CPED1: variants seen among roughly 807,000 people sequenced by gnomAD.
CPED1 encodes the protein cadherin-like and PC-esterase domain-containing protein 1.
CPED1 carries 114 observed loss-of-function variants against 128.2 expected under a neutral mutation model. The ratio of observed to expected loss-of-function variants is 0.89; its 90% CI spans 0.76 to 1.04. CPED1 has a LOEUF of 1.04. Among genes scored for constraint, CPED1 ranks in the 50% least tolerant of loss-of-function variants. The pLI is 0.00. For missense variants in CPED1, 1,211 were observed against 1,207.1 expected (o/e 1.00, Z -0.05); for synonymous variants, 462 against 426.7 (o/e 1.08, Z -1.02).
intron 16 of CPED1, among the ~76,000 whole-genome samples, chr7:121,181,660 T>G (rs1472533779): frequency 6.6e-6 from 1 of 152,108 alleles, no homozygotes; most frequent in African/African-American, 2.4e-5. Flanking sequence ...ATATTGTTGT[T>G]TGCATGAATA....
intron 3 of CPED1, among the ~76,000 whole-genome samples, chr7:121,038,707 T>G (rs1792966604): frequency 6.6e-6 from 1 of 151,982 alleles, no homozygotes; most frequent in South Asian, 2.1e-4. Flanking sequence ...GTCATCGTGT[T>G]TCATTCAGCT....
chr7:121,271,187 C>T, intron 21 of CPED1, 97 bp from the exon 22 acceptor site: 1 of 928,274 alleles, frequency 1.1e-6, no homozygotes, highest in Non-Finnish European at 1.6e-6. Context: ...TGACTAATCC[C>T]AGTAAAAAAG....
chr7:121,225,569 G>A (rs1354185743), intron 16 of CPED1, among the ~76,000 whole-genome samples: 2 of 152,178 alleles, frequency 1.3e-5, no homozygotes, highest in Admixed American at 1.3e-4. Context: ...ATCCTGAAGA[G>A]TGTTTTCCAA....
At chr7:121,159,388 A>G (rs973568193) in intron 16 of CPED1, among the ~76,000 whole-genome samples, 1 of 152,188 alleles carries the variant, frequency 6.6e-6, no homozygotes, top group Non-Finnish European at 1.5e-5. Context: ...GGGGAGATCA[A>G]TGAGGGCCTC....
At chr7:121,230,270 G>A (rs1798106890) in intron 16 of CPED1, among the ~76,000 whole-genome samples, 1 of 151,958 alleles carries the variant, frequency 6.6e-6, no homozygotes, top group African/African-American at 2.4e-5. Flanking sequence ...TGGCTGCTAG[G>A]GGCAATGAAG....
At chr7:121,056,408 T>G (rs2116012992) in intron 4 of CPED1, among the ~76,000 whole-genome samples, 1 of 152,322 alleles carries the variant, frequency 6.6e-6, no homozygotes, top group South Asian at 2.1e-4. Context: ...TGAATTGATT[T>G]GGCAGTTGGA....
intron 16 of CPED1, among the ~76,000 whole-genome samples, chr7:121,172,380 T>G (rs1796665833): frequency 6.8e-6 from 1 of 147,970 alleles, no homozygotes; most frequent in African/African-American, 2.6e-5. Context: ...TGAAATACTC[T>G]TGTTTTTTTT....
intron 16 of CPED1, among the ~76,000 whole-genome samples, chr7:121,179,053 G>A (rs1325199725): frequency 6.6e-6 from 1 of 152,058 alleles, no homozygotes; most frequent in East Asian, 1.9e-4. Context: ...GGAGAACAAA[G>A]CTGTACCGTG....
chr7:121,184,132 C>T (rs1023796578), intron 16 of CPED1, among the ~76,000 whole-genome samples: 36 of 127,702 alleles, frequency 2.8e-4, no homozygotes, highest in Non-Finnish European at 3.9e-4. Context: ...CAGAGCGAGA[C>T]TCTGTCTCAA....
intron 16 of CPED1, among the ~76,000 whole-genome samples, chr7:121,191,575 T>C (rs1797142727): frequency 6.6e-6 from 1 of 152,152 alleles, no homozygotes; most frequent in South Asian, 2.1e-4. Flanking sequence ...GGTGGTGGAA[T>C]GCCTGTGGCT....
chr7:121,052,390 T>C (rs974369228), intron 4 of CPED1, among the ~76,000 whole-genome samples: 1 of 152,216 alleles, frequency 6.6e-6, no homozygotes, highest in African/African-American at 2.4e-5. Context: ...CGTGACTCTT[T>C]TGTCCCCTCT....
rs1055698407 is a variant in CPED1 at position 120,989,637 on chromosome 7, G to A, written c.16G>A (p.Val6Met). 6.2e-7 allele frequency: 1 copy of A among 1,613,874 alleles called. No individual in the cohort carries two copies. The highest frequency in any genetic ancestry group is 1.3e-5 in the African/African-American group (1 of 74,854). The change falls in exon 2 of 23, where the codon GTG becomes ATG. Residue 6 changes from valine to methionine, a missense_variant. Coordinates refer to ENST00000310396, the MANE Select transcript of CPED1 (RefSeq NM_024913.5). ...TGAACTGGTCATGGTCTGTCGCCCA[G>A]TGTTCCCTTGTCGTCGGCGATTTTG... is the stretch of plus-strand genomic sequence containing the variant. MVCRP[V>M]FPCRRRFCPR... is the part of the protein sequence containing the mutation.
At chr7:121,177,294 T>C (rs547115111) in intron 16 of CPED1, among the ~76,000 whole-genome samples, 1 of 152,000 alleles carries the variant, frequency 6.6e-6, no homozygotes, top group African/African-American at 2.4e-5. Context: ...TTCAATGATA[T>C]GTGTGTGTGT....
At chr7:121,203,801 T>C (rs1247995770) in intron 16 of CPED1, among the ~76,000 whole-genome samples, 1 of 152,042 alleles carries the variant, frequency 6.6e-6, no homozygotes, top group Non-Finnish European at 1.5e-5. Context: ...GAGGCTGTGT[T>C]TTGTTTTGGT....
At chr7:121,245,141 A>G (rs1235827797) in intron 18 of CPED1, among the ~76,000 whole-genome samples, 1 of 152,208 alleles carries the variant, frequency 6.6e-6, no homozygotes, top group Non-Finnish European at 1.5e-5. Context: ...ATTAAAACAC[A>G]TAGAAAAAAA....
At chr7:121,108,189 G>A (rs1211469214) in intron 7 of CPED1, among the ~76,000 whole-genome samples, 1 of 152,040 alleles carries the variant, frequency 6.6e-6, no homozygotes, top group Non-Finnish European at 1.5e-5. Context: ...GCTTAGCAAA[G>A]CATGGAGCAT....
intron 12 of CPED1, among the ~76,000 whole-genome samples, chr7:121,133,528 T>C (rs1037812200): frequency 6.6e-6 from 1 of 152,128 alleles, no homozygotes; most frequent in African/African-American, 2.4e-5. Flanking sequence ...GAATGTGTAT[T>C]CTTGAATCAC....
At chr7:121,172,019 C>T (rs1796657023) in intron 16 of CPED1, among the ~76,000 whole-genome samples, 1 of 152,068 alleles carries the variant, frequency 6.6e-6, no homozygotes, top group African/African-American at 2.4e-5. Context: ...AGGTGGCTTT[C>T]AATGACAGCT....
chr7:121,132,082 T>C (rs1795684059), intron 12 of CPED1, among the ~76,000 whole-genome samples: 1 of 151,998 alleles, frequency 6.6e-6, no homozygotes. Flanking sequence ...TTCATTTGCA[T>C]TCAAGAAAAA....
Sources: gnomAD v4.1 joint callset for allele counts (sites outside exome capture counted in the v4.1 genomes callset) on GRCh38, gnomAD v4.1.1 for gene constraint, MANE v1.5 for transcripts, NCBI Gene and HGNC (gene_info 2026-07-23, HGNC 2026-07-21) for gene names.